The following CALN1 variants were observed in gnomAD, a reference collection of about 807,000 sequenced individuals.
The protein encoded by CALN1 is calcium-binding protein 8.
CALN1 carries 17 observed loss-of-function variants against 30.6 expected under a neutral mutation model. The observed-to-expected ratio is 0.56, with a 90% confidence interval of 0.38 to 0.83. The LOEUF (loss-of-function observed/expected upper bound fraction) is 0.83, where lower values mean the gene tolerates loss of function less well. Among genes scored for constraint, CALN1 ranks in the 40% least tolerant of loss-of-function variants. The pLI, the probability that CALN1 is intolerant of heterozygous loss-of-function variation, is 0.00. For missense variants in CALN1, 291 were observed against 354.9 expected (o/e 0.82, Z 1.45); for synonymous variants, 156 against 131.4 (o/e 1.19, Z -1.28).
At chr7:71,967,527 G>A (rs1469870451) in intron 5 of CALN1, among the ~76,000 whole-genome samples, 1 of 151,416 alleles carries the variant, frequency 6.6e-6, no homozygotes, top group Admixed American at 6.6e-5. Context: ...TACTCAGGAG[G>A]CTGAGGTGGA....
intron 5 of CALN1, among the ~76,000 whole-genome samples, chr7:71,876,086 C>T (rs1230893371): frequency 6.6e-6 from 1 of 151,834 alleles, no homozygotes; most frequent in Non-Finnish European, 1.5e-5. Context: ...TGACAGTTAA[C>T]AGGGAAAGAA....
intron 5 of CALN1, among the ~76,000 whole-genome samples, chr7:71,892,503 T>C (rs1197959829): frequency 6.6e-6 from 1 of 152,166 alleles, no homozygotes; most frequent in Admixed American, 6.5e-5. Flanking sequence ...CCAGGAATGG[T>C]GGTGCCCACC....
intron 3 of CALN1, among the ~76,000 whole-genome samples, chr7:72,238,622 C>T (rs1424527884): frequency 6.6e-6 from 1 of 152,008 alleles, no homozygotes; most frequent in Non-Finnish European, 1.5e-5. Flanking sequence ...AGGGTTAGCT[C>T]CATGTTGTTC....
At chr7:71,868,369 A>G (rs1294654149) in intron 5 of CALN1, among the ~76,000 whole-genome samples, 3 of 133,870 alleles carry the variant, frequency 2.2e-5, no homozygotes, top group South Asian at 2.3e-4. Flanking sequence ...AGTGCTACAC[A>G]CTTTTTTTTT....
chr7:72,205,551 A>AAATATATACATATACATATAT, intron 3 of CALN1, among the ~76,000 whole-genome samples: 2 of 83,044 alleles, frequency 2.4e-5, no homozygotes, highest in African/African-American at 1.5e-4. Context: ...GCAAAAAAAA[A>AAATATATACATATACATATAT]ATATATATAT....
chr7:72,220,216 G>A (rs1793179442), intron 3 of CALN1, among the ~76,000 whole-genome samples: 1 of 114,838 alleles, frequency 8.7e-6, no homozygotes, highest in Non-Finnish European at 1.6e-5. Flanking sequence ...AACAGTCCCT[G>A]GAGTGTGATG....
At chr7:71,877,482 T>C (rs1043047703) in intron 5 of CALN1, among the ~76,000 whole-genome samples, 1 of 152,154 alleles carries the variant, frequency 6.6e-6, no homozygotes. Context: ...AGTGGCTACA[T>C]ATAAGATAAA....
chr7:72,073,524 G>T (rs568320158), intron 4 of CALN1, among the ~76,000 whole-genome samples: 1 of 152,114 alleles, frequency 6.6e-6, no homozygotes, highest in South Asian at 2.1e-4. Flanking sequence ...CAGACTACAA[G>T]TGTGGTGATT....
intron 2 of CALN1, among the ~76,000 whole-genome samples, chr7:72,361,453 C>A (rs973579443): frequency 6.6e-6 from 1 of 152,196 alleles, no homozygotes; most frequent in African/African-American, 2.4e-5. Context: ...CTACAGTGAG[C>A]TATGATGGCA....
intron 3 of CALN1, among the ~76,000 whole-genome samples, chr7:72,238,524 C>G (rs967770481): frequency 2.0e-5 from 3 of 152,068 alleles, no homozygotes; most frequent in African/African-American, 7.2e-5. Context: ...TTGACTGTGT[C>G]CCCACCCAAA....
chr7:72,300,047 A>AT (rs1036415957), intron 2 of CALN1, among the ~76,000 whole-genome samples: 2 of 150,566 alleles, frequency 1.3e-5, no homozygotes, highest in Admixed American at 6.6e-5. Context: ...TGCCCAGCTA[A>AT]TTTTTTGTAT....
At chr7:72,097,659 A>G (rs1031692665) in intron 4 of CALN1, among the ~76,000 whole-genome samples, 1 of 151,964 alleles carries the variant, frequency 6.6e-6, no homozygotes, top group African/African-American at 2.4e-5. Flanking sequence ...AAAAAAAAAA[A>G]AAAAATTAAA....
chr7:72,187,424 C>A (rs541353826), intron 3 of CALN1, among the ~76,000 whole-genome samples: 1 of 152,252 alleles, frequency 6.6e-6, no homozygotes, highest in South Asian at 2.1e-4. Flanking sequence ...GGCCACACAG[C>A]AGGAGGTGAG....
At chr7:72,354,279 C>G (rs991350247) in intron 2 of CALN1, among the ~76,000 whole-genome samples, 2 of 152,124 alleles carry the variant, frequency 1.3e-5, no homozygotes, top group Non-Finnish European at 1.5e-5. Context: ...CTAAAAACCT[C>G]AAAACATTGC....
intron 5 of CALN1, among the ~76,000 whole-genome samples, chr7:71,883,758 A>T (rs552318885): frequency 6.6e-6 from 1 of 152,170 alleles, no homozygotes; most frequent in South Asian, 2.1e-4. Flanking sequence ...TCCCTTCTGA[A>T]CTGTCCTTTC....
chr7:72,349,323 T>TGTGG (rs1802808476), intron 2 of CALN1, among the ~76,000 whole-genome samples: 1 of 121,596 alleles, frequency 8.2e-6, no homozygotes, highest in Non-Finnish European at 1.8e-5. Context: ...TGTGTGTGTG[T>TGTGG]TGGGAAGGTT....
chr7:72,061,602 T>A lies in CALN1; in HGVS notation c.389-37833A>T, dbSNP rs143289747. Among the ~76,000 whole-genome samples, 694 of 151,866 alleles carry A rather than the reference T, an allele frequency of 4.6e-3. 2 individuals are homozygous for A. Among genetic ancestry groups the A allele is most frequent in the Middle Eastern group, 0.014 (4 of 292 alleles). On this transcript the variant is annotated intron_variant, in intron 4 of 6. Coordinates refer to ENST00000395275, the MANE Select transcript of CALN1 (RefSeq NM_031468.4). ...TGGAGGTGATAGAAGAGCTAGTGAA[T>A]TTGAAGATAGGTCAATAAAAAATGT...
intron 4 of CALN1, among the ~76,000 whole-genome samples, chr7:72,083,138 A>G (rs2867568): frequency 6.6e-6 from 1 of 151,836 alleles, no homozygotes; most frequent in Non-Finnish European, 1.5e-5. Context: ...GAGGCGGAGG[A>G]TGCAGTGAGC....
chr7:72,261,524 A>C (rs933278869), intron 3 of CALN1, among the ~76,000 whole-genome samples: 1 of 151,912 alleles, frequency 6.6e-6, no homozygotes, highest in East Asian at 1.9e-4. Context: ...TCCTGGGCTT[A>C]AGCAATCCTC....
Sources: allele counts gnomAD v4.1 joint callset (sites outside exome capture counted in the v4.1 genomes callset), GRCh38; gene constraint gnomAD v4.1.1; transcripts MANE v1.5; gene names NCBI Gene and HGNC (gene_info 2026-07-23, HGNC 2026-07-21).